Variants in COL4A2 observed in about 807,000 individuals in gnomAD.
COL4A2 encodes collagen type IV alpha 2 chain, also known as collagen alpha-2(IV) chain.
A neutral mutation model predicts 200.2 loss-of-function variants in COL4A2; 99 were observed. The observed-to-expected ratio is 0.49, with a 90% CI of 0.42 to 0.58. COL4A2 has a LOEUF of 0.58. Among genes scored for constraint, COL4A2 ranks in the 20% least tolerant of loss-of-function variants. The pLI, the probability that COL4A2 is intolerant of heterozygous loss-of-function variation, is 0.00. For missense variants in COL4A2, 1,950 were observed against 2,314.1 expected (o/e 0.84, Z 3.23); for synonymous variants, 897 against 900.6 (o/e 1.00, Z 0.07).
chr13:110,437,955 C>T (rs1880958010), intron 13 of COL4A2, 47 bp from the exon 14 acceptor site: 2 of 1,509,224 alleles, frequency 1.3e-6, no homozygotes, highest in Admixed American at 1.7e-5. Context: ...TTACCCATTA[C>T]CATCCTCAAA....
chr13:110,400,681 G>A (rs1879342186), intron 4 of COL4A2, among the ~76,000 whole-genome samples: 1 of 152,112 alleles, frequency 6.6e-6, no homozygotes, highest in Non-Finnish European at 1.5e-5. Flanking sequence ...TAATTGATAA[G>A]ATTAAAAAAG....
chr13:110,417,331 C>T (rs779436677), intron 4 of COL4A2, among the ~76,000 whole-genome samples: 1 of 151,878 alleles, frequency 6.6e-6, no homozygotes, highest in African/African-American at 2.4e-5. Context: ...GACTCTCCTT[C>T]CTTTTCGAAC....
intron 28 of COL4A2, among the ~76,000 whole-genome samples, chr13:110,470,785 T>TA (rs1882440851): frequency 6.6e-6 from 1 of 152,000 alleles, no homozygotes; most frequent in African/African-American, 2.4e-5. Flanking sequence ...GATAGCTGAT[T>TA]TAAGCCTCAA....
At chr13:110,437,700 A>G (rs918654078) in intron 13 of COL4A2, among the ~76,000 whole-genome samples, 1 of 152,212 alleles carries the variant, frequency 6.6e-6, no homozygotes, top group Non-Finnish European at 1.5e-5. Flanking sequence ...ATACGGATGT[A>G]AACATCTGCC....
Position 110,447,750 on chromosome 13 carries a change from A to G in COL4A2, c.1078+886A>G, listed in dbSNP as rs573737925. On this transcript the variant is annotated intron_variant, in intron 18 of 47. Coordinates refer to ENST00000360467, the MANE Select transcript of COL4A2 (RefSeq NM_001846.4). ...AGCTCAGCAAACGCCTGACTGAGTG[A>G]CGACGTGCAGAAACATATCAGACAG... 2.3e-5 allele frequency among the ~76,000 whole-genome samples: 3 copies of G among 131,332 alleles called. No individual in the cohort carries two copies. In the South Asian group the frequency reaches 8.1e-4, roughly 35 times the overall value. 86.2% of individuals were successfully genotyped at this position (131,332 alleles called of 152,430 possible).
intron 3 of COL4A2, among the ~76,000 whole-genome samples, chr13:110,321,194 GTA>G (rs1428836835): frequency 1.6e-5 from 2 of 125,804 alleles, no homozygotes; most frequent in Non-Finnish European, 3.3e-5. Flanking sequence ...GTGTGTGTGT[GTA>G]TGTGTCTGTG....
At chr13:110,347,334 A>G (rs1876750234) in intron 3 of COL4A2, among the ~76,000 whole-genome samples, 1 of 152,200 alleles carries the variant, frequency 6.6e-6, no homozygotes, top group African/African-American at 2.4e-5. Context: ...TTAGCTGGGA[A>G]GGCTCGGGGG....
intron 4 of COL4A2, among the ~76,000 whole-genome samples, chr13:110,396,591 T>C (rs536994614): frequency 9.3e-4 from 142 of 152,316 alleles, no homozygotes; most frequent in Middle Eastern, 3.4e-3. Flanking sequence ...GAACATGCCT[T>C]CTTGGCCCTT....
rs777448259 is a variant in COL4A2, at chr13:110,472,948, A to G, written c.2223A>G (p.Gly741=). 6.4e-7 allele frequency: 1 copy of G among 1,557,498 alleles called. No homozygotes were observed. Among genetic ancestry groups the G allele is most frequent in the East Asian group, 2.4e-5 (1 of 41,644 alleles). Residue 741 remains glycine (G), a synonymous_variant, in exon 29 of 48, where the codon GGA becomes GGG. Transcript: ENST00000360467. ...PGPPGFIGPR[G]SKGAVGLPGP... ...TTTTAGGGTTCATAGGACCCCGAGG[A>G]TCCAAAGGTGCAGTGGGCCTCCCTG...
At position 110,362,054 on chromosome 13, in the gene COL4A2, T is replaced by C. The variant is rs561538636; in HGVS notation, c.180+4502T>C. Among the ~76,000 whole-genome samples the C allele has an allele frequency of 3.3e-5, 5 of 152,320 alleles. No homozygotes were observed. In the South Asian group the frequency reaches 6.2e-4, roughly 19 times the overall value. On this transcript the variant is annotated intron_variant, in intron 4 of 47. Transcript: ENST00000360467. ...TTCTGTGTCCGTACTCCTCTTCCCA[T>C]ATGTCAGCCTAGAAGAGTGAGGCTC... is the stretch of plus-strand genomic sequence containing the variant.
intron 4 of COL4A2, among the ~76,000 whole-genome samples, chr13:110,395,750 G>C (rs932069569): frequency 6.6e-6 from 1 of 152,096 alleles, no homozygotes; most frequent in Non-Finnish European, 1.5e-5. Context: ...TTCGAGACCA[G>C]CCTGGCCAAT....
intron 29 of COL4A2, chr13:110,473,387 T>G: frequency 2.0e-6 from 1 of 500,584 alleles, no homozygotes; most frequent in Non-Finnish European, 3.5e-6. Flanking sequence ...AGGTGTGGAT[T>G]CACTGATGTA....
In COL4A2 at chr13:110,393,889, C is replaced by A. The variant is rs184743012; in HGVS notation, c.181-30845C>A. Among the ~76,000 whole-genome samples the A allele has an allele frequency of 3.0e-3, 455 of 152,198 alleles. 2 individuals are homozygous for A. The highest frequency in any genetic ancestry group is 0.011 in the African/African-American group (444 of 41,530). On this transcript the variant is annotated intron_variant, in intron 4 of 47. Transcript: ENST00000360467. ...GTGAGATGCTGTCAAAAAAAAAATT[C>A]TTTTTTACATGACTCAGATACAATG...
At chr13:110,374,336 TGGA>T (rs1878145560) in intron 4 of COL4A2, among the ~76,000 whole-genome samples, 1 of 152,200 alleles carries the variant, frequency 6.6e-6, no homozygotes, top group Non-Finnish European at 1.5e-5. Context: ...ACCCGAGATC[TGGA>T]GCCAACACTT....
chr13:110,368,030 A>C (rs1877831709), intron 4 of COL4A2, among the ~76,000 whole-genome samples: 1 of 152,212 alleles, frequency 6.6e-6, no homozygotes, highest in Non-Finnish European at 1.5e-5. Flanking sequence ...CCTTGGGGTA[A>C]ATTCCTCATC....
chr13:110,434,530 T>TA (rs1212241528), intron 12 of COL4A2, 88 bp downstream of exon 12: 1 of 1,387,930 alleles, frequency 7.2e-7, no homozygotes, highest in African/African-American at 1.4e-5. Flanking sequence ...TTCTGTGCTG[T>TA]AAAACTTTTA....
intron 3 of COL4A2, among the ~76,000 whole-genome samples, chr13:110,332,604 GAC>G (rs567494631): frequency 2.0e-5 from 3 of 152,142 alleles, no homozygotes; most frequent in Non-Finnish European, 4.4e-5. Context: ...TTCCTAAAAA[GAC>G]AAGCACAGGC....
intron 40 of COL4A2, among the ~76,000 whole-genome samples, chr13:110,501,193 G>T (rs1883626415): frequency 6.6e-6 from 1 of 152,214 alleles, no homozygotes; most frequent in Non-Finnish European, 1.5e-5. Flanking sequence ...TATCCAAGCT[G>T]GGATCCGAGG....
Position 110,474,754 on chromosome 13 carries a change from TCA to T in COL4A2, c.2425+1609_2425+1610del, listed in dbSNP as rs1330502065. ...GTACCCACACACGTGCCGTGCACACTCACACATCACACACGCACGTACCCACA... is the reference window on the plus strand; with the variant it reads ...GTACCCACACACGTGCCGTGCACACTCACATCACACACGCACGTACCCACA... On this transcript the variant is annotated intron_variant, in intron 29 of 47. Coordinates refer to ENST00000360467, the MANE Select transcript of COL4A2 (RefSeq NM_001846.4). Among the ~76,000 whole-genome samples, 54 of 79,626 alleles carry T rather than the reference TCA, an allele frequency of 6.8e-4. 9 individuals are homozygous for T. Among genetic ancestry groups the T allele is most frequent in the South Asian group, 2.2e-3 (5 of 2,282 alleles). 52.2% of individuals were successfully genotyped at this position (79,626 alleles called of 152,430 possible).
Sources: allele counts gnomAD v4.1 joint callset (sites outside exome capture counted in the v4.1 genomes callset), GRCh38; gene constraint gnomAD v4.1.1; transcripts MANE v1.5; gene names NCBI Gene and HGNC (gene_info 2026-07-23, HGNC 2026-07-21).